EDIL3: variants seen among roughly 807,000 people sequenced by gnomAD.
EDIL3 encodes the protein EGF like and discoidin domains 3.
Under a neutral mutation model 67.4 loss-of-function variants are expected in EDIL3, and 37 were observed. That is an observed-to-expected ratio of 0.55 (90% CI 0.42 to 0.72). The LOEUF is 0.72. EDIL3 is among the 30% of genes least tolerant of loss of function. The probability of loss-of-function intolerance (pLI) is 0.00; values close to 1 mark genes in which losing one functional copy is unlikely to be tolerated. For missense variants in EDIL3, 527 were observed against 586.3 expected, an observed-to-expected ratio of 0.90 and a Z score of 1.04; for synonymous variants, 195 against 196.3, an observed-to-expected ratio of 0.99 and a Z score of 0.05.
At position 84,154,776 on chromosome 5, in the gene EDIL3, C is replaced by T. The variant is rs534725402; in HGVS notation, c.356-17422G>A. On this transcript the variant is annotated intron_variant, in intron 4 of 10. Transcript: ENST00000296591. Reference sequence around the variant, plus strand: ...GTGCTGTGGCCGGATCTCGGCTCACCGCAACCTCTGCCTCCCAGGTTCAAG... The same window carrying T: ...GTGCTGTGGCCGGATCTCGGCTCACTGCAACCTCTGCCTCCCAGGTTCAAG... 4.0e-5 allele frequency among the ~76,000 whole-genome samples: 6 copies of T among 149,902 alleles called. No homozygotes were observed. In the South Asian group the frequency reaches 6.4e-4, roughly 16 times the overall value.
chr5:84,220,611 T>C (rs116296002), intron 3 of EDIL3, among the ~76,000 whole-genome samples: 172 of 152,308 alleles, frequency 1.1e-3, no homozygotes, highest in African/African-American at 4.0e-3. Context: ...CATTGATTGG[T>C]GACCTAGTAT....
chr5:84,109,901 A>C (rs1339012619), intron 5 of EDIL3, among the ~76,000 whole-genome samples: 1 of 152,158 alleles, frequency 6.6e-6, no homozygotes, highest in Non-Finnish European at 1.5e-5. Flanking sequence ...TTATGATGAC[A>C]CTTAACTTAT....
intron 3 of EDIL3, among the ~76,000 whole-genome samples, chr5:84,207,206 T>C (rs1249241375): frequency 6.6e-6 from 1 of 152,140 alleles, no homozygotes; most frequent in Non-Finnish European, 1.5e-5. Context: ...AGTCTCAGAA[T>C]ACAAAATCAA....
At chr5:84,280,523 G>A (rs1485641336) in intron 1 of EDIL3, among the ~76,000 whole-genome samples, 1 of 151,962 alleles carries the variant, frequency 6.6e-6, no homozygotes, top group East Asian at 1.9e-4. Flanking sequence ...TTAAAATCAC[G>A]TTTTCATCCC....
intron 9 of EDIL3, among the ~76,000 whole-genome samples, chr5:84,042,752 GA>G (rs1746155534): frequency 6.6e-6 from 1 of 152,136 alleles, no homozygotes; most frequent in Non-Finnish European, 1.5e-5. Context: ...GTTAAATGAG[GA>G]AAATCTGTAA....
chr5:84,103,463 C>T (rs1425849252), intron 6 of EDIL3, among the ~76,000 whole-genome samples: 1 of 151,984 alleles, frequency 6.6e-6, no homozygotes, highest in African/African-American at 2.4e-5. Flanking sequence ...CTTTTTCAAA[C>T]TATGCATCTG....
intron 5 of EDIL3, among the ~76,000 whole-genome samples, chr5:84,114,639 T>C (rs1221640494): frequency 6.6e-6 from 1 of 152,158 alleles, no homozygotes; most frequent in Non-Finnish European, 1.5e-5. Context: ...AATTGAGAAA[T>C]CCTTAATACT....
chr5:84,136,594 C>A (rs960573510), intron 5 of EDIL3, among the ~76,000 whole-genome samples: 6 of 152,158 alleles, frequency 3.9e-5, no homozygotes, highest in African/African-American at 1.4e-4. Flanking sequence ...TCCAATAAGA[C>A]AAATAAATAG....
Position 84,060,503 on chromosome 5 carries a change from G to A in EDIL3, c.953-19C>T. ...GAACAACCTGAAAGAAAATGAGAAGGGCTCCATGAGAAAAATAATTGATCA... is the reference window on the plus strand; with the variant it reads ...GAACAACCTGAAAGAAAATGAGAAGAGCTCCATGAGAAAAATAATTGATCA... On this transcript the variant is annotated intron_variant, in intron 8 of 10. Transcript: ENST00000296591. 3.7e-6 allele frequency: 6 copies of A among 1,610,050 alleles called. No homozygotes were observed. The highest frequency in any genetic ancestry group is 5.1e-6 in the Non-Finnish European group (6 of 1,178,756).
chr5:84,369,316 G>A (rs561867647), intron 1 of EDIL3, among the ~76,000 whole-genome samples: 1 of 151,408 alleles, frequency 6.6e-6, no homozygotes, highest in South Asian at 2.1e-4. Flanking sequence ...TACCACAAGG[G>A]AATAGTATAC....
At position 84,384,289 on chromosome 5, in the gene EDIL3, C is replaced by T; in HGVS notation, c.67+19G>A. 6.2e-7 allele frequency: 1 copy of T among 1,605,740 alleles called. No individual in the cohort carries two copies. The highest frequency in any genetic ancestry group is 8.5e-7 in the Non-Finnish European group (1 of 1,176,062). On this transcript the variant is annotated intron_variant, in intron 1 of 10. Transcript: ENST00000296591. Reference sequence around the variant, plus strand: ...CCCAGCCCATCCCTCACCCAGCTGTCCGGGTCCCGACGCCTTACCTTTGCC... The same window carrying T: ...CCCAGCCCATCCCTCACCCAGCTGTTCGGGTCCCGACGCCTTACCTTTGCC...
intron 1 of EDIL3, among the ~76,000 whole-genome samples, chr5:84,379,051 G>A (rs972566608): frequency 1.3e-5 from 2 of 152,026 alleles, no homozygotes; most frequent in African/African-American, 2.4e-5. Context: ...AGAAAGAGAC[G>A]GAATGAAGGA....
chr5:84,268,199 C>T (rs553556696), intron 1 of EDIL3, among the ~76,000 whole-genome samples: 1 of 152,018 alleles, frequency 6.6e-6, no homozygotes, highest in South Asian at 2.1e-4. Context: ...AGTTAACTGT[C>T]CTTTGATAAT....
At chr5:84,325,831 G>A (rs1746745395) in intron 1 of EDIL3, among the ~76,000 whole-genome samples, 1 of 152,084 alleles carries the variant, frequency 6.6e-6, no homozygotes, top group Non-Finnish European at 1.5e-5. Flanking sequence ...TCTAATGTAT[G>A]CTAAAATGTG....
intron 6 of EDIL3, among the ~76,000 whole-genome samples, chr5:84,087,569 T>C (rs758981458): frequency 1.3e-5 from 2 of 152,230 alleles, no homozygotes; most frequent in African/African-American, 2.4e-5. Context: ...TATGAAAACA[T>C]TATGATAGCA....
intron 9 of EDIL3, among the ~76,000 whole-genome samples, chr5:84,011,446 T>G (rs1274373260): frequency 6.6e-6 from 1 of 152,222 alleles, no homozygotes; most frequent in East Asian, 1.9e-4. Flanking sequence ...TGCAATATTT[T>G]CTTAGATGAC....
intron 4 of EDIL3, among the ~76,000 whole-genome samples, chr5:84,142,650 T>G (rs145609504): frequency 6.6e-6 from 1 of 152,032 alleles, no homozygotes; most frequent in Non-Finnish European, 1.5e-5. Flanking sequence ...GGGATAGATA[T>G]CTATCTAACC....
chr5:84,180,361 T>A, intron 4 of EDIL3, 32 bp downstream of exon 4: 1 of 1,547,896 alleles, frequency 6.5e-7, no homozygotes, highest in Non-Finnish European at 8.7e-7. Context: ...TAATCAATAA[T>A]AATAAAAGTA....
chr5:84,231,413 A>G (rs1048156480), intron 2 of EDIL3, among the ~76,000 whole-genome samples: 5 of 152,238 alleles, frequency 3.3e-5, no homozygotes, highest in Admixed American at 3.3e-4. Context: ...GTTGAATTAT[A>G]TGACACAAGC....
Sources: allele counts gnomAD v4.1 joint callset (sites outside exome capture counted in the v4.1 genomes callset), GRCh38; gene constraint gnomAD v4.1.1; transcripts MANE v1.5; gene names NCBI Gene and HGNC (gene_info 2026-07-23, HGNC 2026-07-21).